Variants in ERCC6 observed in about 807,000 individuals in gnomAD.
ERCC6 encodes the protein DNA excision repair protein ERCC-6.
ERCC6 carries 116 observed loss-of-function variants against 158.7 expected under a neutral mutation model. The ratio of observed to expected loss-of-function variants is 0.73; its 90% CI spans 0.63 to 0.85. The LOEUF (loss-of-function observed/expected upper bound fraction) is 0.85. ERCC6 is among the 40% of genes least tolerant of loss of function. ERCC6 has a pLI of 0.00. For synonymous variants in ERCC6, 678 were observed against 659.3 expected (o/e 1.03, Z -0.43); for missense variants, 1,698 against 1,799.4 (o/e 0.94, Z 1.02).
intron 10 of ERCC6, among the ~76,000 whole-genome samples, chr10:49,482,299 C>T (rs1424938991): frequency 6.6e-6 from 1 of 152,156 alleles, no homozygotes; most frequent in Admixed American, 6.5e-5. Context: ...TTATAAGATG[C>T]ACTACCCCAG....
At chr10:49,435,668 A>G in the ERCC6 span, among the ~76,000 whole-genome samples, 1 of 152,226 alleles carries the variant, frequency 6.6e-6, no homozygotes, top group East Asian at 1.9e-4. Flanking sequence ...AGCAGTACTT[A>G]GAGGGAAAGT....
rs1850470901 is a variant in ERCC6, at chr10:49,455,542, A to C, written c.*3273T>G. ...ACAGCGTGAGGAGTGTGGTTGGTAG[A>C]ACCAACACCTGGATCCACAGGACAG... On this transcript the variant is annotated 3_prime_UTR_variant, in exon 21 of 21. Coordinates refer to ENST00000355832, the MANE Select transcript of ERCC6 (RefSeq NM_000124.4). The C allele has an allele frequency of 6.6e-6, 1 of 152,242 alleles. No individual in the cohort carries two copies. Among genetic ancestry groups the C allele is most frequent in the Admixed American group, 6.5e-5 (1 of 15,284 alleles). 9.4% of individuals were successfully genotyped at this position (152,242 alleles called of 1,614,324 possible).
intron 18 of ERCC6, 141 bp downstream of exon 18, chr10:49,470,041 T>A (rs1850744719): frequency 1.3e-6 from 1 of 789,922 alleles, no homozygotes; most frequent in African/African-American, 1.7e-5. Flanking sequence ...TGTCAATATA[T>A]TTCAAATCTA....
At chr10:49,533,717 C>T (rs545629394) in intron 1 of ERCC6, among the ~76,000 whole-genome samples, 38 of 152,322 alleles carry the variant, frequency 2.5e-4, no homozygotes, top group Admixed American at 2.0e-3. Flanking sequence ...GCAGGAGGAT[C>T]ACTTGAGCCT....
chr10:49,509,584 G>A (rs1240528687), intron 5 of ERCC6, among the ~76,000 whole-genome samples: 3 of 152,170 alleles, frequency 2.0e-5, no homozygotes, highest in African/African-American at 7.2e-5. Context: ...TTTGTAAATA[G>A]TAAACTGTCA....
chr10:49,461,455 G>A lies in ERCC6; in HGVS notation c.3880C>T (p.Leu1294=), dbSNP rs1488557566. 3 of 1,614,166 alleles carry A rather than the reference G, an allele frequency of 1.9e-6. No individual in the cohort carries two copies. Among genetic ancestry groups the A allele is most frequent in the South Asian group, 2.2e-5 (2 of 91,080 alleles). ...TGACGAGAGAGCCTCAGTGCTTTCA[G>A]GGCATCCTGGGCCACTCGGTTGGCT... ...AEANRVAQDA[L]KALRLSRQRC... The change falls in exon 19 of 21, where the codon CTG becomes TTG. Residue 1294 remains leucine, a synonymous_variant. Coordinates refer to ENST00000355832, the MANE Select transcript of ERCC6 (RefSeq NM_000124.4).
intron 4 of ERCC6, among the ~76,000 whole-genome samples, chr10:49,526,158 T>C (rs1201026394): frequency 8.0e-6 from 1 of 124,580 alleles, no homozygotes; most frequent in Non-Finnish European, 1.6e-5. Flanking sequence ...TATATATATA[T>C]ATATCTGGGT....
chr10:49,493,314 C>A, intron 7 of ERCC6, 62 bp from the exon 8 acceptor site: 1 of 1,595,282 alleles, frequency 6.3e-7, no homozygotes, highest in South Asian at 1.1e-5. Context: ...ATCAACTGCT[C>A]AAAAGATCCC....
At chr10:49,478,295 T>C (rs1344174224) in intron 11 of ERCC6, 59 bp downstream of exon 11, 2 of 1,133,358 alleles carry the variant, frequency 1.8e-6, no homozygotes, top group African/African-American at 1.5e-5. Flanking sequence ...AGAATCAGAG[T>C]GAAGGGAAAG....
At chr10:49,498,185 A>C (rs1851298298) in intron 7 of ERCC6, among the ~76,000 whole-genome samples, 4 of 152,174 alleles carry the variant, frequency 2.6e-5, no homozygotes, top group Admixed American at 1.3e-4. Flanking sequence ...AAAAATAACA[A>C]ATCAAACTTC....
intron 18 of ERCC6, among the ~76,000 whole-genome samples, chr10:49,469,768 T>G (rs1421963326): frequency 6.6e-6 from 1 of 152,228 alleles, no homozygotes; most frequent in Non-Finnish European, 1.5e-5. Context: ...TGACATAAGC[T>G]ATCAGCTTTC....
the ERCC6 span, among the ~76,000 whole-genome samples, chr10:49,436,373 C>A: frequency 2.6e-5 from 4 of 151,926 alleles, no homozygotes; most frequent in East Asian, 7.7e-4. Flanking sequence ...AGCTCATCAA[C>A]AAATAACTTA....
the ERCC6 span, among the ~76,000 whole-genome samples, chr10:49,445,626 C>G: frequency 6.6e-6 from 1 of 152,106 alleles, no homozygotes; most frequent in African/African-American, 2.4e-5. Flanking sequence ...TAAGATTACC[C>G]AAAAGGCCTT....
chr10:49,519,633 T>C (rs1451417201), intron 5 of ERCC6, among the ~76,000 whole-genome samples: 3 of 152,118 alleles, frequency 2.0e-5, no homozygotes, highest in African/African-American at 7.2e-5. Flanking sequence ...GTTTCCCTGA[T>C]CGGGGTGGGC....
chr10:49,521,223 G>T (rs768844912), intron 5 of ERCC6, among the ~76,000 whole-genome samples: 4 of 152,210 alleles, frequency 2.6e-5, no homozygotes, highest in Non-Finnish European at 4.4e-5. Flanking sequence ...TCAATAACAT[G>T]GAGGTAACAA....
chr10:49,485,301 G>A (rs1162342500), intron 8 of ERCC6, among the ~76,000 whole-genome samples: 2 of 152,168 alleles, frequency 1.3e-5, no homozygotes, highest in Non-Finnish European at 2.9e-5. Flanking sequence ...GTCAGAATTC[G>A]AACGGAGAAA....
rs1316606925 is a variant in ERCC6 at position 49,458,809 on chromosome 10, T to A, written c.*6A>T. The A allele has an allele frequency of 6.2e-7, 1 of 1,613,900 alleles. No individual in the cohort carries two copies. The highest frequency in any genetic ancestry group is 8.5e-7 in the Non-Finnish European group (1 of 1,179,864). On this transcript the variant is annotated 3_prime_UTR_variant, in exon 21 of 21. Transcript: ENST00000355832. ...AGGGACTTGAAAGTTTAGGAAGCAA[T>A]GTTGTTTAGCAGTATTCTGGCTTGA...
chr10:49,444,595 G>A, the ERCC6 span, among the ~76,000 whole-genome samples: 13 of 152,144 alleles, frequency 8.5e-5, no homozygotes, highest in African/African-American at 3.1e-4. Flanking sequence ...GAAAAACATC[G>A]GGGCATGGGC....
chr10:49,517,240 T>G, intron 5 of ERCC6: 1 of 1,381,980 alleles, frequency 7.2e-7, no homozygotes, highest in Non-Finnish European at 9.6e-7. Context: ...TTTCTGTATT[T>G]TCTTTTTACC....
Sources: allele counts gnomAD v4.1 joint callset (sites outside exome capture counted in the v4.1 genomes callset), GRCh38; gene constraint gnomAD v4.1.1; transcripts MANE v1.5; gene names NCBI Gene and HGNC (gene_info 2026-07-23, HGNC 2026-07-21).